ACOXL: variants seen among roughly 807,000 people sequenced by gnomAD.
ACOXL encodes the protein acyl-coenzyme A oxidase-like protein.
A neutral mutation model predicts 71.9 loss-of-function variants in ACOXL; 70 were observed. The observed-to-expected ratio is 0.97, with a 90% CI of 0.80 to 1.19. The LOEUF (loss-of-function observed/expected upper bound fraction) is 1.19, where lower values mean the gene tolerates loss of function less well. ACOXL is among the 50% of genes most tolerant of loss of function. The pLI, the probability that ACOXL is intolerant of heterozygous loss-of-function variation, is 0.00. For missense variants in ACOXL, 703 were observed against 736.3 expected (o/e 0.95, Z 0.52); for synonymous variants, 253 against 281.6 (o/e 0.90, Z 1.02).
intron 1 of ACOXL, among the ~76,000 whole-genome samples, chr2:110,749,652 A>G (rs1319063603): frequency 2.6e-5 from 4 of 152,168 alleles, no homozygotes; most frequent in Admixed American, 2.0e-4. Context: ...AATTTGAACT[A>G]GGGAGGTGGA....
chr2:110,749,506 A>C (rs1678651069), intron 1 of ACOXL, among the ~76,000 whole-genome samples: 1 of 152,226 alleles, frequency 6.6e-6, no homozygotes, highest in African/African-American at 2.4e-5. Flanking sequence ...CCGGTGGATC[A>C]CTGGAGGTCA....
intron 10 of ACOXL, among the ~76,000 whole-genome samples, chr2:110,851,156 G>A (rs1374353639): frequency 6.6e-6 from 1 of 152,086 alleles, no homozygotes; most frequent in East Asian, 1.9e-4. Flanking sequence ...GGGGGTTGAC[G>A]GACAGATTCT....
chr2:111,055,683 G>T (rs2066499895), intron 16 of ACOXL, among the ~76,000 whole-genome samples: 1 of 152,222 alleles, frequency 6.6e-6, no homozygotes, highest in Admixed American at 6.5e-5. Context: ...GAATGGGATT[G>T]GGCCTCCACA....
chr2:110,794,707 T>C (rs1226570106), intron 5 of ACOXL, among the ~76,000 whole-genome samples: 1 of 152,226 alleles, frequency 6.6e-6, no homozygotes, highest in Non-Finnish European at 1.5e-5. Flanking sequence ...CTGACTCTTC[T>C]ACCTTTACTC....
chr2:110,951,628 C>G (rs2061336758), intron 12 of ACOXL, among the ~76,000 whole-genome samples: 2 of 152,154 alleles, frequency 1.3e-5, no homozygotes, highest in Non-Finnish European at 2.9e-5. Context: ...GCCTGTTTTA[C>G]TCTTCCTTTA....
chr2:110,820,870 A>G (rs1187776207), intron 9 of ACOXL, among the ~76,000 whole-genome samples: 1 of 152,150 alleles, frequency 6.6e-6, no homozygotes, highest in African/African-American at 2.4e-5. Context: ...CTAATCAAAA[A>G]AGCTCAGGAG....
chr2:110,733,425 C>A (rs1676440874), intron 1 of ACOXL, among the ~76,000 whole-genome samples: 1 of 152,182 alleles, frequency 6.6e-6, no homozygotes, highest in African/African-American at 2.4e-5. Flanking sequence ...GGTTCAGTCA[C>A]CGGACAGTCA....
intron 16 of ACOXL, among the ~76,000 whole-genome samples, chr2:111,059,832 G>T (rs112777752): frequency 2.6e-5 from 4 of 151,256 alleles, no homozygotes; most frequent in African/African-American, 2.4e-5. Flanking sequence ...GAGGAAGAGA[G>T]AAAGGAAGAA....
At chr2:111,097,196 C>T (rs2068851848) in intron 17 of ACOXL, among the ~76,000 whole-genome samples, 1 of 152,000 alleles carries the variant, frequency 6.6e-6, no homozygotes, top group Non-Finnish European at 1.5e-5. Flanking sequence ...TCTGTATTTT[C>T]TTCAAATATT....
intron 16 of ACOXL, among the ~76,000 whole-genome samples, chr2:111,064,179 G>C (rs1214766037): frequency 1.3e-5 from 2 of 152,198 alleles, no homozygotes; most frequent in Non-Finnish European, 2.9e-5. Flanking sequence ...GCTCACGCCT[G>C]TAATCCCAGC....
At chr2:111,108,554 T>G (rs929367845) in intron 17 of ACOXL, among the ~76,000 whole-genome samples, 1 of 152,084 alleles carries the variant, frequency 6.6e-6, no homozygotes, top group Non-Finnish European at 1.5e-5. Flanking sequence ...AATTTTTGTA[T>G]TTTTAGTAGA....
At chr2:110,866,596 CA>C (rs1158780549) in intron 10 of ACOXL, among the ~76,000 whole-genome samples, 1 of 152,042 alleles carries the variant, frequency 6.6e-6, no homozygotes, top group African/African-American at 2.4e-5. Flanking sequence ...AGGGGAAATA[CA>C]GGGGAGGCGC....
chr2:110,768,933 C>T (rs1681498079), intron 2 of ACOXL, among the ~76,000 whole-genome samples: 1 of 150,872 alleles, frequency 6.6e-6, no homozygotes, highest in Non-Finnish European at 1.5e-5. Context: ...GTGTCTTCCT[C>T]AGGCCCCTTT....
intron 9 of ACOXL, among the ~76,000 whole-genome samples, chr2:110,839,361 C>G (rs1037007582): frequency 1.3e-5 from 2 of 152,224 alleles, no homozygotes; most frequent in Non-Finnish European, 2.9e-5. Flanking sequence ...CTCATCCTGA[C>G]CTTCTGTCTA....
chr2:110,870,937 C>T lies in ACOXL; in HGVS notation c.788+29532C>T, dbSNP rs548976141. On this transcript the variant is annotated intron_variant, in intron 10 of 17. Transcript: ENST00000439055. ...GGGCAGAATCAAGGGAGAGGTCAGG[C>T]CTGCTCAGGAGGGACCCCTGACTCA... is the stretch of plus-strand genomic sequence containing the variant. Among the ~76,000 whole-genome samples, 6 of 152,184 alleles carry T rather than the reference C, an allele frequency of 3.9e-5. No homozygotes were observed. The South Asian group carries it at 1.2e-3, about 32-fold the overall frequency.
intron 14 of ACOXL, among the ~76,000 whole-genome samples, chr2:111,000,309 A>G (rs2063562824): frequency 6.6e-6 from 1 of 152,190 alleles, no homozygotes; most frequent in Non-Finnish European, 1.5e-5. Flanking sequence ...GTGATCTAGC[A>G]AAGGAGATGT....
At chr2:110,783,647 A>C (rs1466112885) in intron 2 of ACOXL, among the ~76,000 whole-genome samples, 1 of 152,202 alleles carries the variant, frequency 6.6e-6, no homozygotes. Context: ...ACACGTGTGC[A>C]TACAGATGCA....
chr2:110,865,094 A>T (rs1488346847), intron 10 of ACOXL, among the ~76,000 whole-genome samples: 1 of 152,252 alleles, frequency 6.6e-6, no homozygotes, highest in East Asian at 1.9e-4. Flanking sequence ...GGACTTAAAA[A>T]ATCAGGGCCT....
chr2:110,903,936 C>G (rs143902892), intron 10 of ACOXL, among the ~76,000 whole-genome samples: 2 of 152,362 alleles, frequency 1.3e-5, no homozygotes, highest in Non-Finnish European at 2.9e-5. Flanking sequence ...TCTCTGCTAC[C>G]TCTGCTGTTG....
Sources: allele counts gnomAD v4.1 joint callset (sites outside exome capture counted in the v4.1 genomes callset), GRCh38; gene constraint gnomAD v4.1.1; transcripts MANE v1.5; gene names NCBI Gene and HGNC (gene_info 2026-07-23, HGNC 2026-07-21).